Variants in PDZRN3 observed in about 807,000 individuals in gnomAD.
PDZRN3 encodes the protein PDZ domain containing ring finger 3.
In PDZRN3, 38 loss-of-function variants were observed where a neutral mutation model predicts 85.7. The observed-to-expected ratio is 0.44, with a 90% confidence interval of 0.34 to 0.58. PDZRN3 has a LOEUF of 0.58. Ranked by LOEUF, PDZRN3 falls within the 20% of genes least tolerant of loss-of-function variation. The pLI, the probability that PDZRN3 is intolerant of heterozygous loss-of-function variation, is 0.01. For missense variants in PDZRN3, 1,629 were observed against 1,506.4 expected (o/e 1.08, Z -1.35); for synonymous variants, 759 against 638.0 (o/e 1.19, Z -2.86).
At chr3:73,395,988 C>A (rs904243744) in intron 5 of PDZRN3, among the ~76,000 whole-genome samples, 1 of 152,008 alleles carries the variant, frequency 6.6e-6, no homozygotes, top group African/African-American at 2.4e-5. Flanking sequence ...TTTGGGAGGC[C>A]ATTGCAGACA....
At chr3:73,483,361 TA>T (rs1199184414) in intron 3 of PDZRN3, among the ~76,000 whole-genome samples, 23 of 152,212 alleles carry the variant, frequency 1.5e-4, no homozygotes, top group African/African-American at 5.3e-4. Flanking sequence ...ATTTTTAATG[TA>T]AGCTGGATAC....
intron 3 of PDZRN3, among the ~76,000 whole-genome samples, chr3:73,493,770 C>A (rs1283325992): frequency 1.3e-5 from 2 of 152,202 alleles, no homozygotes; most frequent in Admixed American, 6.5e-5. Flanking sequence ...ATGGCACATG[C>A]CCTAAACTGG....
intron 2 of PDZRN3, among the ~76,000 whole-genome samples, chr3:73,607,005 G>GCCA (rs1702610152): frequency 5.3e-5 from 8 of 152,000 alleles, no homozygotes; most frequent in Admixed American, 5.2e-4. Context: ...CCTCTTTCTG[G>GCCA]CCACTTCCCT....
chr3:73,489,408 C>T (rs976920943), intron 3 of PDZRN3, among the ~76,000 whole-genome samples: 1 of 152,034 alleles, frequency 6.6e-6, no homozygotes, highest in African/African-American at 2.4e-5. Flanking sequence ...GCATCCAGTA[C>T]AGAGTAGATA....
intron 2 of PDZRN3, among the ~76,000 whole-genome samples, chr3:73,606,699 T>C (rs1439036805): frequency 6.6e-6 from 1 of 152,214 alleles, no homozygotes; most frequent in African/African-American, 2.4e-5. Context: ...TATTTACAAT[T>C]TAGTCTCACC....
At chr3:73,601,298 C>T (rs1161902647) in intron 3 of PDZRN3, among the ~76,000 whole-genome samples, 5 of 152,132 alleles carry the variant, frequency 3.3e-5, no homozygotes, top group African/African-American at 4.8e-5. Context: ...AGCTCGTGGT[C>T]CTAGCTCCCA....
At chr3:73,510,008 T>C (rs749513115) in intron 3 of PDZRN3, among the ~76,000 whole-genome samples, 24 of 152,246 alleles carry the variant, frequency 1.6e-4, no homozygotes, top group Non-Finnish European at 3.2e-4. Flanking sequence ...TCTTCTACCA[T>C]GACTGATTCA....
intron 3 of PDZRN3, among the ~76,000 whole-genome samples, chr3:73,490,034 G>A (rs753289828): frequency 1.3e-5 from 2 of 152,192 alleles, no homozygotes; most frequent in Non-Finnish European, 2.9e-5. Flanking sequence ...ATGTGTGAAT[G>A]TATGGATTGA....
At chr3:73,614,096 A>G (rs992836117) in intron 1 of PDZRN3, among the ~76,000 whole-genome samples, 6 of 152,212 alleles carry the variant, frequency 3.9e-5, no homozygotes, top group African/African-American at 1.4e-4. Context: ...TCATATTTGA[A>G]CATGTAACTA....
chr3:73,485,831 A>G (rs1163970021), intron 3 of PDZRN3, among the ~76,000 whole-genome samples: 1 of 152,240 alleles, frequency 6.6e-6, no homozygotes, highest in Non-Finnish European at 1.5e-5. Flanking sequence ...TAATGTTCAT[A>G]AAGAAATTTG....
At chr3:73,574,463 G>C (rs192267766) in intron 3 of PDZRN3, among the ~76,000 whole-genome samples, 2,034 of 141,650 alleles carry the variant, frequency 0.014, 56 homozygotes, top group South Asian at 0.03. Flanking sequence ...GGGGTGGGGG[G>C]GGTGGGGAGG....
intron 3 of PDZRN3, among the ~76,000 whole-genome samples, chr3:73,554,576 A>C (rs764238377): frequency 3.3e-5 from 5 of 152,210 alleles, no homozygotes; most frequent in Non-Finnish European, 7.3e-5. Flanking sequence ...CAAGGAAATA[A>C]ATATCTATAC....
intron 3 of PDZRN3, among the ~76,000 whole-genome samples, chr3:73,567,401 A>T (rs925556607): frequency 6.6e-6 from 1 of 152,254 alleles, no homozygotes; most frequent in Non-Finnish European, 1.5e-5. Context: ...AAAAAATGCC[A>T]GGTACATTAT....
chr3:73,500,607 G>A (rs1341474085), intron 3 of PDZRN3, among the ~76,000 whole-genome samples: 1 of 152,092 alleles, frequency 6.6e-6, no homozygotes, highest in Non-Finnish European at 1.5e-5. Context: ...TCCCAACAAT[G>A]CCTTCTTGTT....
At chr3:73,436,800 C>A (rs997977739) in intron 3 of PDZRN3, among the ~76,000 whole-genome samples, 2 of 152,012 alleles carry the variant, frequency 1.3e-5, no homozygotes, top group Non-Finnish European at 2.9e-5. Context: ...GTAATCCCAG[C>A]ACTTTGGGAG....
intron 3 of PDZRN3, among the ~76,000 whole-genome samples, chr3:73,480,375 C>G (rs1703538594): frequency 6.6e-6 from 1 of 152,178 alleles, no homozygotes; most frequent in Non-Finnish European, 1.5e-5. Flanking sequence ...AAGCAGAATT[C>G]CTTGGCTCTT....
chr3:73,443,475 T>TTTTC (rs1553689587), intron 3 of PDZRN3, among the ~76,000 whole-genome samples: 2 of 40,422 alleles, frequency 4.9e-5, no homozygotes, highest in African/African-American at 1.2e-4. Context: ...TTATTTTCCT[T>TTTTC]TTTCTTTTTT....
chr3:73,586,716 C>T (rs914294989), intron 3 of PDZRN3, among the ~76,000 whole-genome samples: 3 of 152,218 alleles, frequency 2.0e-5, no homozygotes, highest in African/African-American at 7.2e-5. Context: ...ACACATGCCA[C>T]ACAAAGCATC....
intron 3 of PDZRN3, among the ~76,000 whole-genome samples, chr3:73,535,134 G>T (rs2106765140): frequency 6.6e-6 from 1 of 152,180 alleles, no homozygotes; most frequent in South Asian, 2.1e-4. Flanking sequence ...GACCCAGGTG[G>T]CAGGCTGCTC....
Sources: allele counts gnomAD v4.1 joint callset (sites outside exome capture counted in the v4.1 genomes callset), GRCh38; gene constraint gnomAD v4.1.1; transcripts MANE v1.5; gene names NCBI Gene and HGNC (gene_info 2026-07-23, HGNC 2026-07-21).